The following MARK3 variants were observed in gnomAD, a reference collection of about 807,000 sequenced individuals.
The protein encoded by MARK3 is microtubule affinity regulating kinase 3.
Under a neutral mutation model 90.1 loss-of-function variants are expected in MARK3, and 46 were observed. The observed-to-expected ratio is 0.51, with a 90% CI of 0.40 to 0.65. The LOEUF is 0.65. Among genes scored for constraint, MARK3 ranks in the 30% least tolerant of loss-of-function variants. The probability of loss-of-function intolerance (pLI) is 0.00; values close to 1 mark genes in which losing one functional copy is unlikely to be tolerated. For synonymous variants in MARK3, 321 were observed against 332.6 expected (o/e 0.97, Z 0.38); for missense variants, 818 against 947.2 (o/e 0.86, Z 1.79).
At chr14:103,481,640 C>CGT (rs3071411) in intron 14 of MARK3, among the ~76,000 whole-genome samples, 92 of 150,440 alleles carry the variant, frequency 6.1e-4, no homozygotes, top group African/African-American at 1.9e-3. Context: ...TTTTATGACT[C>CGT]GTGTGTGTGT....
At position 103,503,012 on chromosome 14, in the gene MARK3, T is replaced by C. The variant is rs1275550107; in HGVS notation, c.2047T>C (p.Leu683=). Residue 683 remains leucine, a synonymous_variant, in exon 18 of 18, where the codon TTG becomes CTG. Transcript: ENST00000429436. ...CATGATGCGGGAAATCCGCAAAGTG[T>C]TGGACGCCAATAACTGCGACTATGA... ...GDMMREIRKV[L]DANNCDYEQR... 2.5e-6 allele frequency: 4 copies of C among 1,614,136 alleles called. 1 individual carries two copies. The highest frequency in any genetic ancestry group is 2.2e-5 in the East Asian group (1 of 44,904).
At chr14:103,430,695 T>C (rs1048842827) in intron 3 of MARK3, among the ~76,000 whole-genome samples, 2 of 152,226 alleles carry the variant, frequency 1.3e-5, no homozygotes, top group Non-Finnish European at 2.9e-5. Flanking sequence ...TTTCATGATA[T>C]TCAGGCTTGC....
chr14:103,450,541 G>T (rs906628691), intron 4 of MARK3, among the ~76,000 whole-genome samples: 1 of 152,118 alleles, frequency 6.6e-6, no homozygotes, highest in Non-Finnish European at 1.5e-5. Flanking sequence ...CCAAAGTTTC[G>T]TTGGAAGATT....
chr14:103,432,043 C>A (rs1039179378), intron 3 of MARK3, among the ~76,000 whole-genome samples: 3 of 149,928 alleles, frequency 2.0e-5, no homozygotes, highest in African/African-American at 7.3e-5. Flanking sequence ...TGCCTTAATT[C>A]CAGTCTTTTG....
At chr14:103,449,120 T>C (rs1173637796) in intron 4 of MARK3, among the ~76,000 whole-genome samples, 153 bp downstream of exon 4, 1 of 152,024 alleles carries the variant, frequency 6.6e-6, no homozygotes, top group Non-Finnish European at 1.5e-5. Context: ...TTGAAATTGC[T>C]GAAGACAGGT....
At chr14:103,470,849 A>G (rs984177414) in intron 12 of MARK3, among the ~76,000 whole-genome samples, 1 of 152,154 alleles carries the variant, frequency 6.6e-6, no homozygotes, top group South Asian at 2.1e-4. Flanking sequence ...TTAGGTGTGG[A>G]CAGCTTTGAT....
At chr14:103,418,858 T>C (rs2092076440) in intron 2 of MARK3, among the ~76,000 whole-genome samples, 2 of 152,244 alleles carry the variant, frequency 1.3e-5, no homozygotes, top group South Asian at 4.1e-4. Context: ...ATCTTGTTTT[T>C]TCCGCCCTCG....
intron 6 of MARK3, among the ~76,000 whole-genome samples, chr14:103,459,458 C>G (rs7153380): frequency 0.97 from 147,717 of 152,264 alleles, 71,824 homozygotes; most frequent in East Asian, 1. Flanking sequence ...GGATACGCAT[C>G]ATATTGGTGT....
intron 13 of MARK3, 144 bp from the exon 14 acceptor site, chr14:103,480,243 C>G (rs931782203): frequency 3.1e-5 from 17 of 543,340 alleles, no homozygotes; most frequent in Non-Finnish European, 4.9e-5. Flanking sequence ...CCACTGCACT[C>G]CAGCCTGGGT....
intron 15 of MARK3, among the ~76,000 whole-genome samples, chr14:103,497,759 T>G (rs924972469): frequency 5.3e-5 from 8 of 152,202 alleles, no homozygotes; most frequent in African/African-American, 1.9e-4. Context: ...AAGTAATGAT[T>G]TTTACTTAGT....
chr14:103,494,978 A>T (rs888007078), intron 15 of MARK3, among the ~76,000 whole-genome samples: 4 of 152,226 alleles, frequency 2.6e-5, no homozygotes, highest in Non-Finnish European at 5.9e-5. Flanking sequence ...TATACATATA[A>T]ATATGTATGT....
chr14:103,499,662 T>C (rs1257478649), intron 16 of MARK3: 8 of 152,680 alleles, frequency 5.2e-5, no homozygotes, highest in African/African-American at 1.9e-4. Context: ...TATTTTTTAA[T>C]TGATCTTCCC....
Position 103,503,095 on chromosome 14 carries a change from C to G in MARK3, c.2130C>G (p.Leu710=). ...CVHGDGHAEN[L]VQWEMEVCKL... ...ACGGAGATGGGCACGCGGAGAACCT[C>G]GTGCAGTGGGAAATGGAAGTGTGCA... The change falls in exon 18 of 18, where the codon CTC becomes CTG. Residue 710 remains leucine (L), a synonymous_variant. Transcript: ENST00000429436. The G allele has an allele frequency of 6.2e-7, 1 of 1,614,204 alleles. No homozygotes were observed. Among genetic ancestry groups the G allele is most frequent in the Non-Finnish European group, 8.5e-7 (1 of 1,180,044 alleles).
chr14:103,484,643 T>G (rs148719332), intron 14 of MARK3, among the ~76,000 whole-genome samples: 1 of 152,220 alleles, frequency 6.6e-6, no homozygotes, highest in East Asian at 1.9e-4. Context: ...TAAAAGTTGC[T>G]TTTTTTAGGC....
At chr14:103,420,779 A>G (rs1317877388) in intron 2 of MARK3, among the ~76,000 whole-genome samples, 2 of 152,196 alleles carry the variant, frequency 1.3e-5, no homozygotes, top group Non-Finnish European at 2.9e-5. Flanking sequence ...CTTTTCGGAC[A>G]TATGCAGAAC....
At chr14:103,472,442 G>A (rs1283166489) in intron 12 of MARK3, among the ~76,000 whole-genome samples, 2 of 151,958 alleles carry the variant, frequency 1.3e-5, no homozygotes, top group African/African-American at 4.8e-5. Context: ...AGGAGATCGA[G>A]AACATCCTGG....
chr14:103,460,091 TTTTTTTTTTTTTTG>T (rs1482618144), intron 6 of MARK3, among the ~76,000 whole-genome samples: 5 of 121,244 alleles, frequency 4.1e-5, no homozygotes, highest in African/African-American at 6.2e-5. Flanking sequence ...TTTTTTTTTT[TTTTTTTTTTTTTTG>T]AGACAAATCT....
intron 16 of MARK3, chr14:103,499,202 T>A (rs2075514477): frequency 6.6e-6 from 1 of 152,230 alleles, no homozygotes; most frequent in Non-Finnish European, 1.5e-5. Flanking sequence ...CCAGGCATGG[T>A]GGCTTATGCC....
intron 1 of MARK3, among the ~76,000 whole-genome samples, chr14:103,387,522 C>T (rs1015662570): frequency 3.3e-5 from 5 of 151,790 alleles, no homozygotes; most frequent in Admixed American, 3.3e-4. Flanking sequence ...TGAGACAGAC[C>T]GAGACTGTCT....
Sources: gnomAD v4.1 joint callset for allele counts (sites outside exome capture counted in the v4.1 genomes callset) on GRCh38, gnomAD v4.1.1 for gene constraint, MANE v1.5 for transcripts, NCBI Gene and HGNC (gene_info 2026-07-23, HGNC 2026-07-21) for gene names.